NIPA1: variants seen among roughly 807,000 people sequenced by gnomAD.
NIPA1 encodes the protein magnesium transporter NIPA1.
A neutral mutation model predicts 23.9 loss-of-function variants in NIPA1; 13 were observed. The ratio of observed to expected loss-of-function variants is 0.54; its 90% CI spans 0.35 to 0.87. The LOEUF (loss-of-function observed/expected upper bound fraction) is 0.87. Among genes scored for constraint, NIPA1 ranks in the 40% least tolerant of loss-of-function variants. The pLI is 0.01. For synonymous variants in NIPA1, 234 were observed against 202.9 expected, an observed-to-expected ratio of 1.15 and a Z score of -1.30; for missense variants, 362 against 429.7, an observed-to-expected ratio of 0.84 and a Z score of 1.39.
chr15:22,797,739 G>A (rs768071772), intron 1 of NIPA1, among the ~76,000 whole-genome samples: 11 of 151,754 alleles, frequency 7.2e-5, no homozygotes, highest in Admixed American at 1.3e-4. Context: ...CTGACCTCAC[G>A]TGATCCGCCC....
In NIPA1 at chr15:22,827,147, C is replaced by T. The variant is rs972656940; in HGVS notation, c.*2908C>T. The T allele has an allele frequency of 2.6e-5, 4 of 152,078 alleles. No individual in the cohort carries two copies. Among genetic ancestry groups the T allele is most frequent in the Non-Finnish European group, 5.9e-5 (4 of 68,026 alleles). The allele number at this position is 152,078 out of a possible 1,614,324, so 9.4% of individuals were successfully genotyped here. ...TTACTGTATACTTGTTTTCAAGCAT[C>T]CTCTAAAATCAAAGGTTTTGATCAC... On this transcript the variant is annotated 3_prime_UTR_variant, in exon 5 of 5. Coordinates refer to ENST00000337435, the MANE Select transcript of NIPA1 (RefSeq NM_144599.5).
chr15:22,790,572 C>T (rs1303209200), intron 1 of NIPA1, among the ~76,000 whole-genome samples: 4 of 151,920 alleles, frequency 2.6e-5, no homozygotes, highest in African/African-American at 4.8e-5. Flanking sequence ...TGCACCACCA[C>T]GCCTGGCTAA....
At chr15:22,807,401 C>T (rs7177677) in intron 1 of NIPA1, among the ~76,000 whole-genome samples, 15,108 of 152,066 alleles carry the variant, frequency 0.099, 1,811 homozygotes, top group African/African-American at 0.29. Context: ...CTTCACAAAA[C>T]GTCCTGACCA....
chr15:22,790,478 A>G (rs1894804339), intron 1 of NIPA1, among the ~76,000 whole-genome samples: 1 of 148,612 alleles, frequency 6.7e-6, no homozygotes, highest in South Asian at 2.1e-4. Context: ...CTGGAGTGCA[A>G]TGGTGCAATC....
intron 1 of NIPA1, among the ~76,000 whole-genome samples, chr15:22,801,024 A>G (rs1363146838): frequency 1.3e-5 from 2 of 151,278 alleles, no homozygotes; most frequent in Non-Finnish European, 2.9e-5. Context: ...CAGGGAGCCG[A>G]GATCATGCCA....
chr15:22,802,107 T>C (rs1180550358), intron 1 of NIPA1, among the ~76,000 whole-genome samples: 1 of 151,962 alleles, frequency 6.6e-6, no homozygotes, highest in Non-Finnish European at 1.5e-5. Flanking sequence ...ATTAAAAAAA[T>C]TAAGGGTCGG....
At chr15:22,810,904 G>A (rs1336023801) in intron 2 of NIPA1, 108 bp downstream of exon 2, 2 of 884,722 alleles carry the variant, frequency 2.3e-6, no homozygotes, top group Non-Finnish European at 3.9e-6. Flanking sequence ...CTTTGGAAGA[G>A]GGTGTCGCGT....
chr15:22,798,858 A>C (rs1895002136), intron 1 of NIPA1, among the ~76,000 whole-genome samples: 1 of 151,420 alleles, frequency 6.6e-6, no homozygotes, highest in African/African-American at 2.4e-5. Flanking sequence ...AAAAAAAAAA[A>C]AAAACCTCTT....
intron 1 of NIPA1, among the ~76,000 whole-genome samples, chr15:22,794,661 C>T (rs1026446224): frequency 3.9e-5 from 6 of 152,046 alleles, no homozygotes; most frequent in South Asian, 2.1e-4. Context: ...CGTCCCATTT[C>T]GAGTCCCCAA....
At chr15:22,787,559 C>T (rs1271137158) in intron 1 of NIPA1, among the ~76,000 whole-genome samples, 1 of 152,226 alleles carries the variant, frequency 6.6e-6, no homozygotes, top group African/African-American at 2.4e-5. Context: ...GCACCGCACT[C>T]CGTAGTGCTC....
intron 1 of NIPA1, among the ~76,000 whole-genome samples, chr15:22,788,919 T>TAAAAAAAAAAAAAAAAAA (rs199860403): frequency 2.2e-4 from 17 of 78,774 alleles, no homozygotes; most frequent in African/African-American, 7.7e-4. Flanking sequence ...GGCTCTGTCT[T>TAAAAAAAAAAAAAAAAAA]AAAAAAAAAA....
intron 3 of NIPA1, chr15:22,814,078 T>C: frequency 7.9e-7 from 1 of 1,273,488 alleles, no homozygotes; most frequent in Non-Finnish European, 1.0e-6. Context: ...GCTCCACATC[T>C]GCAGGTGTTA....
rs895212805 is a variant in NIPA1 at position 22,786,709 on chromosome 15, A to G, written c.53A>G (p.Glu18Gly). ...AAAAAAAAAG[E>G]GARSPSPAAV... ...GCGGCGGCGGCGGCGGCGGCCGGGG[A>G]GGGGGCGCGTAGCCCGAGCCCCGCC... The change falls in exon 1 of 5, where the codon GAG becomes GGG. Residue 18 changes from glutamate (E) to glycine (G), a missense_variant. Physicochemically the swap from Glu to Gly is moderately conservative, Grantham distance 98. Around this residue, in one of 2 missense-constraint regions of NIPA1, gnomAD observed 85 missense variants for 57.7 expected, o/e 1.47. Coordinates refer to ENST00000337435, the MANE Select transcript of NIPA1 (RefSeq NM_144599.5). The G allele has an allele frequency of 7.9e-6, 9 of 1,143,988 alleles. No individual in the cohort carries two copies. The Middle Eastern group carries it at 1.1e-3, about 138-fold the overall frequency. The allele number at this position is 1,143,988 out of a possible 1,614,324, so 70.9% of individuals were successfully genotyped here. A position where few individuals can be genotyped will look rare whatever the true frequency, so the allele number is the denominator to read the frequency against.
At chr15:22,812,295 G>A (rs777283148) in intron 3 of NIPA1, 42 bp downstream of exon 3, 1 of 1,353,486 alleles carries the variant, frequency 7.4e-7, no homozygotes, top group Non-Finnish European at 1.1e-6. Context: ...GTGTAGTGTA[G>A]ATATAACAAC....
intron 1 of NIPA1, among the ~76,000 whole-genome samples, chr15:22,799,484 A>G (rs1481446060): frequency 6.6e-6 from 1 of 151,988 alleles, no homozygotes; most frequent in Non-Finnish European, 1.5e-5. Context: ...ATCTCTAAAA[A>G]AAATACAAAA....
intron 4 of NIPA1, among the ~76,000 whole-genome samples, chr15:22,822,258 G>A (rs1595646979): frequency 1.3e-5 from 2 of 152,168 alleles, no homozygotes; most frequent in Non-Finnish European, 2.9e-5. Context: ...ACATAAAATA[G>A]TTTCTAGGCT....
At chr15:22,800,512 C>T (rs1044810565) in intron 1 of NIPA1, among the ~76,000 whole-genome samples, 1 of 152,048 alleles carries the variant, frequency 6.6e-6, no homozygotes, top group Non-Finnish European at 1.5e-5. Context: ...AGGCAGTGGG[C>T]TGGGCGTGGT....
At position 22,824,319 on chromosome 15, in the gene NIPA1, G is replaced by C; in HGVS notation, c.*80G>C. On this transcript the variant is annotated 3_prime_UTR_variant, in exon 5 of 5. Coordinates refer to ENST00000337435, the MANE Select transcript of NIPA1 (RefSeq NM_144599.5). This position sits in a 1 kb window ranked among gnomAD's most constrained non-coding sequence, Gnocchi z 4.1. ...CCGTGATTGGATGTGAAGTAGAAGA[G>C]GTCCTCGATCATGGTGTTAGAATTG... The C allele has an allele frequency of 8.3e-7, 1 of 1,198,584 alleles. No individual in the cohort carries two copies. Among genetic ancestry groups the C allele is most frequent in the Non-Finnish European group, 1.2e-6 (1 of 803,986 alleles). The allele number at this position is 1,198,584 out of a possible 1,614,324, so 74.2% of individuals were successfully genotyped here.
At chr15:22,787,902 T>C (rs1399756015) in intron 1 of NIPA1, among the ~76,000 whole-genome samples, 2 of 152,140 alleles carry the variant, frequency 1.3e-5, no homozygotes, top group Non-Finnish European at 2.9e-5. Flanking sequence ...TATAAAATCA[T>C]GGATAATTTA....
Sources: gnomAD v4.1 joint callset for allele counts (sites outside exome capture counted in the v4.1 genomes callset) on GRCh38, gnomAD v4.1.1 for gene constraint, gnomAD v4.1.1 regional missense constraint, Gnocchi (gnomAD v3.1) non-coding constraint, MANE v1.5 for transcripts, NCBI Gene and HGNC (gene_info 2026-07-23, HGNC 2026-07-21) for gene names.